Variants in PDZD8 observed in about 807,000 individuals in gnomAD.
PDZD8 encodes PDZ domain containing 8, also known as PDZ domain-containing protein 8.
PDZD8 carries 14 observed loss-of-function variants against 85.8 expected under a neutral mutation model. The observed-to-expected ratio is 0.16, with a 90% CI of 0.11 to 0.26. The LOEUF is 0.26. Among genes scored for constraint, PDZD8 ranks in the 10% least tolerant of loss-of-function variants. The pLI is 1.00. For missense variants in PDZD8, 1,197 were observed against 1,424.3 expected (o/e 0.84, Z 2.57); for synonymous variants, 592 against 568.6 (o/e 1.04, Z -0.59).
chr10:117,338,847 T>C (rs1361385378), intron 2 of PDZD8, among the ~76,000 whole-genome samples: 1 of 152,098 alleles, frequency 6.6e-6, no homozygotes, highest in Non-Finnish European at 1.5e-5. Context: ...AAAGCAAAAA[T>C]GTGGTGAGCA....
At position 117,278,351 on chromosome 10, in the gene PDZD8, A is replaced by G. The variant is rs1288031592; in HGVS notation, c.*4917T>C. 1 of 152,268 alleles carries G rather than the reference A, an allele frequency of 6.6e-6. No individual in the cohort carries two copies. The highest frequency in any genetic ancestry group is 1.5e-5 in the Non-Finnish European group (1 of 68,042). 9.4% of individuals were successfully genotyped at this position (152,268 alleles called of 1,614,324 possible). ...AATGAAATTATGTCTTGAATCATAT[A>G]TTAAGAAGTAAAAATAATAGTGATC... is the stretch of plus-strand genomic sequence containing the variant. On this transcript the variant is annotated 3_prime_UTR_variant, in exon 5 of 5. Transcript: ENST00000334464.
intron 2 of PDZD8, among the ~76,000 whole-genome samples, chr10:117,334,032 C>T (rs539062862): frequency 6.6e-5 from 10 of 152,220 alleles, no homozygotes; most frequent in South Asian, 6.2e-4. Context: ...AATGAGGTGG[C>T]CAATACTTTA....
chr10:117,288,903 T>C (rs1844711919), intron 4 of PDZD8, among the ~76,000 whole-genome samples: 1 of 152,222 alleles, frequency 6.6e-6, no homozygotes, highest in East Asian at 1.9e-4. Flanking sequence ...ATTAATTTAT[T>C]TTTGATAATA....
chr10:117,331,835 C>T (rs140370459), intron 2 of PDZD8, among the ~76,000 whole-genome samples: 23 of 152,176 alleles, frequency 1.5e-4, no homozygotes, highest in African/African-American at 4.3e-4. Flanking sequence ...GGCTATTTTC[C>T]AGCATCACAA....
chr10:117,282,677 T>G lies in PDZD8; in HGVS notation c.*591A>C, dbSNP rs994342093. On this transcript the variant is annotated 3_prime_UTR_variant, in exon 5 of 5. Coordinates refer to ENST00000334464, the MANE Select transcript of PDZD8 (RefSeq NM_173791.5). Reference sequence around the variant, plus strand: ...TTTTTACTAAATCAGCATAACAGACTAAAGCTGCAGCATCTGCTTTCATGT... The same window carrying G: ...TTTTTACTAAATCAGCATAACAGACGAAAGCTGCAGCATCTGCTTTCATGT... The G allele has an allele frequency of 3.9e-5, 6 of 152,222 alleles. No individual in the cohort carries two copies. The highest frequency in any genetic ancestry group is 3.3e-4 in the Admixed American group (5 of 15,282). The allele number at this position is 152,222 out of a possible 1,614,324, so 9.4% of individuals were successfully genotyped here.
intron 2 of PDZD8, among the ~76,000 whole-genome samples, chr10:117,332,383 A>C (rs1844432758): frequency 6.6e-6 from 1 of 152,164 alleles, no homozygotes; most frequent in Non-Finnish European, 1.5e-5. Flanking sequence ...CTTTCTGAAA[A>C]GGTAATTTAT....
At chr10:117,299,128 G>A (rs907210293) in intron 3 of PDZD8, among the ~76,000 whole-genome samples, 3 of 152,022 alleles carry the variant, frequency 2.0e-5, no homozygotes, top group Admixed American at 1.3e-4. Context: ...TACAATTAAG[G>A]AATTAACATT....
Position 117,284,573 on chromosome 10 carries a change from A to C in PDZD8, c.2160T>G (p.Pro720=), listed in dbSNP as rs772855623. 4 of 1,614,198 alleles carry C rather than the reference A, an allele frequency of 2.5e-6. No individual in the cohort carries two copies. Among genetic ancestry groups the C allele is most frequent in the Non-Finnish European group, 3.4e-6 (4 of 1,180,036 alleles). The part of the protein sequence containing the change: ...YLNIALWCRD[P]FKLGGLICLG... ...AACAGATGAGACCTCCCAACTTGAA[A>C]GGATCCCTGCACCACAATGCAATGT... is the stretch of plus-strand genomic sequence containing the variant. Residue 720 remains proline, a synonymous_variant, in exon 5 of 5, where the codon CCT becomes CCG. Coordinates refer to ENST00000334464, the MANE Select transcript of PDZD8 (RefSeq NM_173791.5).
chr10:117,283,061 C>T lies in PDZD8; in HGVS notation c.*207G>A, dbSNP rs1206075666. On this transcript the variant is annotated 3_prime_UTR_variant, in exon 5 of 5. Coordinates refer to ENST00000334464, the MANE Select transcript of PDZD8 (RefSeq NM_173791.5). ...AATTCCCAGTATAAACCCAAAAAAG[C>T]ATAGCTATAAATGCAATCCAAAACA... 1 of 476,572 alleles carries T rather than the reference C, an allele frequency of 2.1e-6. No individual in the cohort carries two copies. Among genetic ancestry groups the T allele is most frequent in the African/African-American group, 2.0e-5 (1 of 49,882 alleles). 29.5% of individuals were successfully genotyped at this position (476,572 alleles called of 1,614,324 possible).
chr10:117,333,117 CAAAA>C (rs752527474), intron 2 of PDZD8, among the ~76,000 whole-genome samples: 1 of 7,264 alleles, frequency 1.4e-4, no homozygotes, highest in Non-Finnish European at 5.8e-4. Context: ...GACTCTGTCT[CAAAA>C]AAAAAAAAAA....
intron 2 of PDZD8, among the ~76,000 whole-genome samples, chr10:117,326,443 C>G (rs1476492702): frequency 1.3e-5 from 2 of 152,180 alleles, no homozygotes; most frequent in Non-Finnish European, 2.9e-5. Context: ...TTGGAACAAG[C>G]CTCCTCATCA....
chr10:117,343,626 C>G (rs1355091320), intron 1 of PDZD8, among the ~76,000 whole-genome samples: 1 of 152,168 alleles, frequency 6.6e-6, no homozygotes, highest in Admixed American at 6.5e-5. Context: ...AACCAGCTTT[C>G]CTTGTCAAAT....
chr10:117,306,491 AAC>A (rs745824153), intron 3 of PDZD8, among the ~76,000 whole-genome samples: 3 of 152,188 alleles, frequency 2.0e-5, no homozygotes, highest in Non-Finnish European at 4.4e-5. Context: ...TCAGGTGAAC[AAC>A]AGAGTAGAAC....
chr10:117,295,528 GAGCT>G (rs1165271486), intron 3 of PDZD8, among the ~76,000 whole-genome samples: 4 of 152,018 alleles, frequency 2.6e-5, no homozygotes, highest in Non-Finnish European at 4.4e-5. Context: ...TCCCAGTTGG[GAGCT>G]AGGTTGCTTC....
chr10:117,352,348 A>G (rs2133865239), intron 1 of PDZD8, among the ~76,000 whole-genome samples: 1 of 152,216 alleles, frequency 6.6e-6, no homozygotes, highest in East Asian at 1.9e-4. Context: ...TCAATACGAG[A>G]AAACTTTGTG....
At chr10:117,330,855 C>T (rs927705808) in intron 2 of PDZD8, among the ~76,000 whole-genome samples, 6 of 152,354 alleles carry the variant, frequency 3.9e-5, no homozygotes, top group Admixed American at 3.3e-4. Flanking sequence ...TTCATTCAGA[C>T]AAGACCTGGA....
Position 117,281,844 on chromosome 10 carries a change from C to T in PDZD8, c.*1424G>A, listed in dbSNP as rs1297678142. On this transcript the variant is annotated 3_prime_UTR_variant, in exon 5 of 5. Transcript: ENST00000334464. Reference sequence around the variant, plus strand: ...CTGCCAGCAATAAAAGCTGCTCCATCTAGTTTTAAACTCATGTCAGTTTCA... The same window carrying T: ...CTGCCAGCAATAAAAGCTGCTCCATTTAGTTTTAAACTCATGTCAGTTTCA... 2 of 152,152 alleles carry T rather than the reference C, an allele frequency of 1.3e-5. No individual in the cohort carries two copies. Among genetic ancestry groups the T allele is most frequent in the South Asian group, 4.1e-4 (2 of 4,820 alleles). 9.4% of individuals were successfully genotyped at this position (152,152 alleles called of 1,614,324 possible). A position where few individuals can be genotyped will look rare whatever the true frequency, so the allele number is the denominator to read the frequency against.
At chr10:117,325,106 G>A (rs117833217) in intron 2 of PDZD8, among the ~76,000 whole-genome samples, 107 of 152,066 alleles carry the variant, frequency 7.0e-4, no homozygotes, top group Non-Finnish European at 1.2e-3. Context: ...ACTTTGTGGC[G>A]CCATTAACAC....
intron 2 of PDZD8, among the ~76,000 whole-genome samples, chr10:117,333,382 C>G (rs1218741916): frequency 2.6e-5 from 4 of 151,986 alleles, no homozygotes; most frequent in South Asian, 2.1e-4. Context: ...ATTTGTAGAG[C>G]CATGCCCCAA....
Sources: allele counts gnomAD v4.1 joint callset (sites outside exome capture counted in the v4.1 genomes callset), GRCh38; gene constraint gnomAD v4.1.1; transcripts MANE v1.5; gene names NCBI Gene and HGNC (gene_info 2026-07-23, HGNC 2026-07-21).